CCDC3: variants seen among roughly 807,000 people sequenced by gnomAD.
The protein encoded by CCDC3 is coiled-coil domain containing 3.
In CCDC3, 24 loss-of-function variants were observed where a neutral mutation model predicts 21.4. That is an observed-to-expected ratio of 1.12 (90% CI 0.81 to 1.58). CCDC3 has a LOEUF of 1.58. Ranked by LOEUF, CCDC3 falls within the 40% of genes most tolerant of loss-of-function variation. The probability of loss-of-function intolerance (pLI) is 0.00; values close to 1 mark genes in which losing one functional copy is unlikely to be tolerated. For missense variants in CCDC3, 425 were observed against 360.9 expected (o/e 1.18, Z -1.44); for synonymous variants, 186 against 166.0 (o/e 1.12, Z -0.93).
At chr10:13,047,356 T>G (rs1025600722) in intron 5 of CCDC3, among the ~76,000 whole-genome samples, 2 of 152,148 alleles carry the variant, frequency 1.3e-5, no homozygotes, top group Non-Finnish European at 2.9e-5. Flanking sequence ...GGAGCTTCCT[T>G]GACATCTCCG....
rs75098142 is a variant in CCDC3, at chr10:12,987,922, T to C, written c.549+10416A>G. ...ACTAGTCCAAGCCTCCAGTCTTGCC[T>C]AGACAGTTCCAGTGGTTTCCCAACT... On this transcript the variant is annotated intron_variant, in intron 2 of 2. Coordinates refer to ENST00000378825, the MANE Select transcript of CCDC3 (RefSeq NM_031455.4). 3.9e-5 allele frequency among the ~76,000 whole-genome samples: 6 copies of C among 152,324 alleles called. No individual in the cohort carries two copies. The East Asian group carries it at 1.2e-3, about 29-fold the overall frequency.
At chr10:13,098,126 A>AC (rs1297498053) in intron 3 of CCDC3, among the ~76,000 whole-genome samples, 9 of 151,650 alleles carry the variant, frequency 5.9e-5, no homozygotes, top group Non-Finnish European at 1.3e-4. Context: ...GCTTCAGGGC[A>AC]CCCCCCACCC....
At chr10:13,092,538 T>C (rs1001683535) in intron 3 of CCDC3, among the ~76,000 whole-genome samples, 2 of 152,208 alleles carry the variant, frequency 1.3e-5, no homozygotes, top group Admixed American at 6.5e-5. Context: ...CTCCCTTGGG[T>C]CAGATCAAAT....
chr10:12,988,799 T>C (rs576924705), intron 2 of CCDC3, among the ~76,000 whole-genome samples: 15 of 152,276 alleles, frequency 9.9e-5, no homozygotes, highest in African/African-American at 3.4e-4. Flanking sequence ...CCCTTTTGTA[T>C]CCCCAGTGAC....
chr10:13,036,111 TCCA>T (rs1836374426), intron 5 of CCDC3, among the ~76,000 whole-genome samples: 1 of 151,648 alleles, frequency 6.6e-6, no homozygotes, highest in Non-Finnish European at 1.5e-5. Flanking sequence ...GCCACTGCAC[TCCA>T]GCCTGGTGAC....
chr10:12,950,859 TCCC>T (rs1214633801), intron 2 of CCDC3, among the ~76,000 whole-genome samples: 1 of 151,946 alleles, frequency 6.6e-6, no homozygotes, highest in Non-Finnish European at 1.5e-5. Context: ...GGGTGGCTGC[TCCC>T]CCACCACACC....
intron 5 of CCDC3, among the ~76,000 whole-genome samples, chr10:13,027,942 T>C (rs939280515): frequency 6.6e-6 from 1 of 152,170 alleles, no homozygotes; most frequent in Non-Finnish European, 1.5e-5. Flanking sequence ...CAATTAATGA[T>C]GGAAACCAAG....
At chr10:12,987,614 A>T (rs1415513215) in intron 2 of CCDC3, among the ~76,000 whole-genome samples, 1 of 152,174 alleles carries the variant, frequency 6.6e-6, no homozygotes, top group Non-Finnish European at 1.5e-5. Context: ...ATCTATCGAG[A>T]TGCAAATTTC....
chr10:13,001,494 G>C lies in CCDC3; in HGVS notation c.77C>G (p.Ser26Cys), dbSNP rs1835854115. 7.4e-7 allele frequency: 1 copy of C among 1,346,810 alleles called. No individual in the cohort carries two copies. Among genetic ancestry groups the C allele is most frequent in the South Asian group, 1.9e-5 (1 of 52,666 alleles). 83.4% of individuals were successfully genotyped at this position (1,346,810 alleles called of 1,614,324 possible). Reference sequence around the variant, plus strand: ...GCCCTCGCTCAGGGGCCTCCACTCGGAGGGCAGCTGGCAGGCGCGCGCGGG... The same window carrying C: ...GCCCTCGCTCAGGGGCCTCCACTCGCAGGGCAGCTGGCAGGCGCGCGCGGG... ...PAPARACQLP[S>C]EWRPLSEGCR... The change falls in exon 1 of 3, where the codon TCC becomes TGC. Residue 26 changes from serine (S) to cysteine (C), a missense_variant. Physicochemically the swap from Ser to Cys is moderately radical, Grantham distance 112. Transcript: ENST00000378825.
At chr10:12,954,036 C>T (rs531562413) in intron 2 of CCDC3, among the ~76,000 whole-genome samples, 4 of 152,188 alleles carry the variant, frequency 2.6e-5, no homozygotes, top group African/African-American at 7.2e-5. Flanking sequence ...GAATTTCATA[C>T]ATTTTAATGC....
chr10:13,017,432 G>C (rs2131402721), intron 5 of CCDC3, among the ~76,000 whole-genome samples: 1 of 148,002 alleles, frequency 6.8e-6, no homozygotes, highest in South Asian at 2.1e-4. Flanking sequence ...CAGGAGAATT[G>C]CTTGAACCCG....
intron 5 of CCDC3, among the ~76,000 whole-genome samples, chr10:13,025,826 C>T (rs1327650066): frequency 1.3e-5 from 2 of 152,146 alleles, no homozygotes; most frequent in Non-Finnish European, 2.9e-5. Context: ...GTTGCTGGTC[C>T]CTGGAAATAA....
intron 5 of CCDC3, among the ~76,000 whole-genome samples, chr10:13,037,496 C>T (rs1564328699): frequency 6.6e-6 from 1 of 152,114 alleles, no homozygotes; most frequent in Admixed American, 6.6e-5. Context: ...CTCTAAGTCT[C>T]TTTTATATTT....
At chr10:12,908,270 T>C (rs1040042582) in intron 2 of CCDC3, among the ~76,000 whole-genome samples, 6 of 152,224 alleles carry the variant, frequency 3.9e-5, no homozygotes, top group Non-Finnish European at 7.3e-5. Context: ...ATATTATGGC[T>C]TCCTCTGTGA....
At chr10:13,092,043 A>C (rs1393197712) in intron 3 of CCDC3, among the ~76,000 whole-genome samples, 3 of 152,194 alleles carry the variant, frequency 2.0e-5, no homozygotes, top group Admixed American at 1.3e-4. Flanking sequence ...AGATAAGAGC[A>C]AAGAAGAAAG....
At chr10:13,086,384 T>C (rs1837105127) in intron 3 of CCDC3, among the ~76,000 whole-genome samples, 1 of 152,236 alleles carries the variant, frequency 6.6e-6, no homozygotes, top group South Asian at 2.1e-4. Context: ...TTCACATCAA[T>C]ATTTAAGATT....
rs1834047420 is a variant in CCDC3, at chr10:12,898,638, C to T, written c.591G>A (p.Glu197=). The part of the protein sequence containing the change: ...SSVQKALFEE[E]DHVKKLQQKV... ...TCTGCTGCAGTTTCTTGACGTGGTC[C>T]TCCTCCTCAAACAAGGCCTTCTGCA... is the stretch of plus-strand genomic sequence containing the variant. Residue 197 remains glutamate (E), a synonymous_variant, in exon 3 of 3, where the codon GAG becomes GAA. Coordinates refer to ENST00000378825, the MANE Select transcript of CCDC3 (RefSeq NM_031455.4). The T allele has an allele frequency of 6.2e-7, 1 of 1,614,216 alleles. No individual in the cohort carries two copies. Among genetic ancestry groups the T allele is most frequent in the African/African-American group, 1.3e-5 (1 of 75,052 alleles).
At chr10:13,085,230 C>T (rs932169451) in intron 3 of CCDC3, among the ~76,000 whole-genome samples, 7 of 152,256 alleles carry the variant, frequency 4.6e-5, no homozygotes, top group East Asian at 3.9e-4. Context: ...ATTGAGTGAG[C>T]GTGCTGTTGT....
chr10:12,977,127 T>A (rs1016504544), intron 2 of CCDC3, among the ~76,000 whole-genome samples: 7 of 152,180 alleles, frequency 4.6e-5, no homozygotes, highest in African/African-American at 1.7e-4. Context: ...ACAGAAAAAT[T>A]AGCTGGGCAT....
Sources: allele counts gnomAD v4.1 joint callset (sites outside exome capture counted in the v4.1 genomes callset), GRCh38; gene constraint gnomAD v4.1.1; transcripts MANE v1.5; gene names NCBI Gene and HGNC (gene_info 2026-07-23, HGNC 2026-07-21).